ADCY1: variants seen among roughly 807,000 people sequenced by gnomAD.
ADCY1 encodes adenylate cyclase 1.
Under a neutral mutation model 105.4 loss-of-function variants are expected in ADCY1, and 28 were observed. That is an observed-to-expected ratio of 0.27 (90% confidence interval 0.20 to 0.36). The LOEUF (loss-of-function observed/expected upper bound fraction) is 0.36. Among genes scored for constraint, ADCY1 ranks in the 10% least tolerant of loss-of-function variants. ADCY1 has a pLI of 1.00. For synonymous variants in ADCY1, 655 were observed against 623.8 expected (o/e 1.05, Z -0.75); for missense variants, 977 against 1,434.2 (o/e 0.68, Z 5.15).
chr7:45,589,761 C>T (rs994483302), intron 1 of ADCY1, among the ~76,000 whole-genome samples: 2 of 151,840 alleles, frequency 1.3e-5, no homozygotes, highest in Admixed American at 6.5e-5. Flanking sequence ...CTTTCTGCAG[C>T]AGTCTCTTCT....
intron 4 of ADCY1, among the ~76,000 whole-genome samples, chr7:45,639,823 C>A (rs1194244846): frequency 6.6e-6 from 1 of 152,114 alleles, no homozygotes; most frequent in Non-Finnish European, 1.5e-5. Context: ...ATGAGACATT[C>A]CCATTCCTTG....
chr7:45,664,730 C>T, intron 8 of ADCY1: 2 of 197,424 alleles, frequency 1.0e-5, no homozygotes, highest in Non-Finnish European at 2.1e-5. Flanking sequence ...ATAAACATTT[C>T]CTTCCATTAT....
chr7:45,606,280 TG>T (rs1793371143), intron 2 of ADCY1, among the ~76,000 whole-genome samples: 1 of 142,892 alleles, frequency 7.0e-6, no homozygotes, highest in Non-Finnish European at 1.5e-5. Context: ...CAGCCTGGGG[TG>T]GGGGTGGAGG....
intron 4 of ADCY1, among the ~76,000 whole-genome samples, chr7:45,624,767 C>T (rs1461951212): frequency 6.6e-6 from 1 of 152,194 alleles, no homozygotes; most frequent in Non-Finnish European, 1.5e-5. Flanking sequence ...GCTTCCCACC[C>T]CTTCAGCAGG....
chr7:45,704,652 G>C, intron 17 of ADCY1, 36 bp downstream of exon 17: 2 of 1,564,216 alleles, frequency 1.3e-6, no homozygotes, highest in Admixed American at 1.7e-5. Context: ...TTGGGGACTG[G>C]GTCCAAGCTC....
chr7:45,619,350 A>G (rs1044078805), intron 3 of ADCY1, among the ~76,000 whole-genome samples: 3 of 152,162 alleles, frequency 2.0e-5, no homozygotes, highest in South Asian at 2.1e-4. Context: ...TCAAGTACGT[A>G]GAAGAGACGA....
At chr7:45,691,808 A>G (rs919531068) in intron 14 of ADCY1, among the ~76,000 whole-genome samples, 1 of 152,220 alleles carries the variant, frequency 6.6e-6, no homozygotes, top group African/African-American at 2.4e-5. Context: ...TGGCATAGAC[A>G]TGGAATTTCT....
At chr7:45,581,553 C>T (rs1198422343) in intron 1 of ADCY1, among the ~76,000 whole-genome samples, 1 of 152,108 alleles carries the variant, frequency 6.6e-6, no homozygotes, top group Admixed American at 6.5e-5. Flanking sequence ...CCAGGCTGAC[C>T]CCTTTTCAGC....
chr7:45,589,603 T>G (rs1792847605), intron 1 of ADCY1, among the ~76,000 whole-genome samples: 1 of 151,992 alleles, frequency 6.6e-6, no homozygotes, highest in Middle Eastern at 3.2e-3. Flanking sequence ...GGTTTGGAAC[T>G]CTCAATTCCA....
intron 4 of ADCY1, among the ~76,000 whole-genome samples, chr7:45,632,208 C>T (rs1435089043): frequency 6.6e-6 from 1 of 152,182 alleles, no homozygotes; most frequent in Non-Finnish European, 1.5e-5. Flanking sequence ...AACCACACAC[C>T]CTGGCCCTGT....
chr7:45,713,579 A>G (rs1235484069), intron 19 of ADCY1, 114 bp from the exon 20 acceptor site: 3 of 653,852 alleles, frequency 4.6e-6, no homozygotes, highest in Non-Finnish European at 8.4e-6. Flanking sequence ...TCCCAGTGCC[A>G]GGGTTGGGCA....
chr7:45,678,237 C>T lies in ADCY1; in HGVS notation c.1872C>T (p.Gly624=). The part of the protein sequence containing the change: ...VLTLILAALF[G]LVYLLIFPQS... ...CCCTCATCCTGGCTGCCTTATTTGG[C>T]CTTGTCTACCTTCTAATATTCCCAC... Residue 624 remains glycine (G), a synonymous_variant, in exon 10 of 20, where the codon GGC becomes GGT. Transcript: ENST00000297323. The T allele has an allele frequency of 6.2e-7, 1 of 1,614,026 alleles. No homozygotes were observed. The highest frequency in any genetic ancestry group is 8.5e-7 in the Non-Finnish European group (1 of 1,179,892).
chr7:45,687,897 T>G (rs1784715808), intron 14 of ADCY1, among the ~76,000 whole-genome samples: 1 of 152,110 alleles, frequency 6.6e-6, no homozygotes, highest in Non-Finnish European at 1.5e-5. Context: ...TACTCTGCAG[T>G]CAGGACTGAA....
intron 3 of ADCY1, among the ~76,000 whole-genome samples, chr7:45,615,366 G>C (rs1048895427): frequency 6.6e-6 from 1 of 152,154 alleles, no homozygotes; most frequent in Non-Finnish European, 1.5e-5. Flanking sequence ...GGGAGGCCGG[G>C]GTGGGAGGTT....
intron 3 of ADCY1, among the ~76,000 whole-genome samples, chr7:45,611,917 ACT>A (rs1393544928): frequency 4.6e-5 from 7 of 151,922 alleles, no homozygotes; most frequent in Non-Finnish European, 1.0e-4. Context: ...GTCAATAGAA[ACT>A]CTCAGTCCTT....
intron 14 of ADCY1, among the ~76,000 whole-genome samples, chr7:45,694,268 A>C (rs1004124683): frequency 1.3e-5 from 2 of 152,238 alleles, no homozygotes; most frequent in Admixed American, 1.3e-4. Flanking sequence ...AAAGGATTCA[A>C]ATCATACAAA....
chr7:45,678,276 A>G lies in ADCY1; in HGVS notation c.1898+13A>G, dbSNP rs372208926. The stretch of plus-strand genomic sequence containing the variant: ...TAATATTCCCACAGTGAGTATTTCT[A>G]TCAACGAGGTGAGGAACTCACCAAG... On this transcript the variant is annotated intron_variant, in intron 10 of 19. Coordinates refer to ENST00000297323, the MANE Select transcript of ADCY1 (RefSeq NM_021116.4). 1.4e-5 allele frequency: 23 copies of G among 1,609,394 alleles called. No individual in the cohort carries two copies. Among genetic ancestry groups the G allele is most frequent in the African/African-American group, 1.3e-4 (10 of 74,800 alleles).
intron 14 of ADCY1, among the ~76,000 whole-genome samples, chr7:45,691,465 A>G (rs907638068): frequency 1.3e-5 from 2 of 152,226 alleles, no homozygotes; most frequent in Non-Finnish European, 2.9e-5. Context: ...AACTATTGCA[A>G]AATTGCCAGG....
chr7:45,702,744 A>G (rs1012126178), intron 14 of ADCY1, among the ~76,000 whole-genome samples: 1 of 152,210 alleles, frequency 6.6e-6, no homozygotes, highest in Non-Finnish European at 1.5e-5. Flanking sequence ...TGCTCCTGCC[A>G]TCTGCTCTGC....
Sources: gnomAD v4.1 joint callset for allele counts (sites outside exome capture counted in the v4.1 genomes callset) on GRCh38, gnomAD v4.1.1 for gene constraint, MANE v1.5 for transcripts, NCBI Gene and HGNC (gene_info 2026-07-23, HGNC 2026-07-21) for gene names.